The following SNX9 variants were observed in gnomAD, a reference collection of about 807,000 sequenced individuals.
SNX9 encodes the protein sorting nexin-9.
In SNX9, 44 loss-of-function variants were observed where a neutral mutation model predicts 89.4. That is an observed-to-expected ratio of 0.49 (90% CI 0.39 to 0.63). SNX9 has a LOEUF of 0.63. Ranked by LOEUF, SNX9 falls within the 30% of genes least tolerant of loss-of-function variation. The pLI, the probability that SNX9 is intolerant of heterozygous loss-of-function variation, is 0.00. For missense variants in SNX9, 578 were observed against 736.1 expected (o/e 0.79, Z 2.49); for synonymous variants, 236 against 247.8 (o/e 0.95, Z 0.45).
chr6:157,834,151 T>G (rs918913707), intron 1 of SNX9, among the ~76,000 whole-genome samples: 5 of 32,984 alleles, frequency 1.5e-4, no homozygotes, highest in African/African-American at 3.8e-4. Flanking sequence ...TCCACTGTGG[T>G]TTTTTTTTTT....
chr6:157,877,466 A>G (rs1339580891), intron 4 of SNX9, among the ~76,000 whole-genome samples: 1 of 152,244 alleles, frequency 6.6e-6, no homozygotes, highest in Non-Finnish European at 1.5e-5. Flanking sequence ...CTGGGATATG[A>G]GAACAATTTA....
intron 1 of SNX9, among the ~76,000 whole-genome samples, chr6:157,865,447 C>A (rs933944218): frequency 6.8e-6 from 1 of 147,646 alleles, no homozygotes; most frequent in Non-Finnish European, 1.5e-5. Context: ...TTCTTCATGA[C>A]GCCCTGAGGG....
At chr6:157,936,170 T>A (rs113823340) in intron 14 of SNX9, 130 bp downstream of exon 14, 51 of 633,112 alleles carry the variant, frequency 8.1e-5, no homozygotes, top group Middle Eastern at 6.9e-4. Flanking sequence ...TGTATCTTTT[T>A]TAATTGTGTT....
chr6:157,892,475 GAAA>G (rs983881317), intron 4 of SNX9, among the ~76,000 whole-genome samples: 2 of 142,040 alleles, frequency 1.4e-5, no homozygotes, highest in South Asian at 2.3e-4. Flanking sequence ...AGCGTTCCAG[GAAA>G]AAAAAAAACA....
intron 7 of SNX9, among the ~76,000 whole-genome samples, chr6:157,908,954 G>C (rs1783277772): frequency 6.6e-6 from 1 of 152,314 alleles, no homozygotes; most frequent in Admixed American, 6.5e-5. Context: ...TGATACCCGG[G>C]GGTTGGAAGT....
chr6:157,862,563 C>G (rs937090037), intron 1 of SNX9, among the ~76,000 whole-genome samples: 1 of 152,144 alleles, frequency 6.6e-6, no homozygotes, highest in Non-Finnish European at 1.5e-5. Context: ...AGATTTACTG[C>G]TTTTTTCCCT....
chr6:157,928,402 G>A (rs1431925622), intron 11 of SNX9, among the ~76,000 whole-genome samples, 197 bp from the exon 12 acceptor site: 4 of 152,202 alleles, frequency 2.6e-5, no homozygotes, highest in East Asian at 1.9e-4. Flanking sequence ...GAAAGGAAGC[G>A]AAGTTAAAAT....
At chr6:157,826,502 G>GAA (rs760974913) in intron 1 of SNX9, among the ~76,000 whole-genome samples, 7 of 78,006 alleles carry the variant, frequency 9.0e-5, no homozygotes, top group South Asian at 4.0e-4. Flanking sequence ...TCCATCTCAA[G>GAA]AAAAAAAAAA....
chr6:157,927,534 C>T (rs1226242017), intron 11 of SNX9, among the ~76,000 whole-genome samples: 1 of 152,168 alleles, frequency 6.6e-6, no homozygotes, highest in Non-Finnish European at 1.5e-5. Flanking sequence ...AATATTCAGA[C>T]AGCAAATCTC....
chr6:157,858,686 G>T (rs754220934), intron 1 of SNX9, among the ~76,000 whole-genome samples: 6 of 152,172 alleles, frequency 3.9e-5, no homozygotes, highest in Non-Finnish European at 5.9e-5. Flanking sequence ...AATTTATAAA[G>T]AAAAGAGATT....
intron 4 of SNX9, among the ~76,000 whole-genome samples, chr6:157,880,643 A>G (rs1433049280): frequency 6.6e-6 from 1 of 152,220 alleles, no homozygotes; most frequent in Non-Finnish European, 1.5e-5. Flanking sequence ...ACCGAGTGCC[A>G]TCGTGAGCCA....
chr6:157,874,134 A>G (rs1782472360), intron 3 of SNX9: 1 of 152,210 alleles, frequency 6.6e-6, no homozygotes, highest in African/African-American at 2.4e-5. Context: ...GCAGAGTGAG[A>G]TCTAAGGCCG....
intron 4 of SNX9, among the ~76,000 whole-genome samples, chr6:157,883,577 A>G (rs1782671502): frequency 6.6e-6 from 1 of 152,194 alleles, no homozygotes. Context: ...GCTCAGTTCT[A>G]TTTCTGTGAT....
At chr6:157,849,993 G>C (rs937183038) in intron 1 of SNX9, among the ~76,000 whole-genome samples, 1 of 152,204 alleles carries the variant, frequency 6.6e-6, no homozygotes, top group Non-Finnish European at 1.5e-5. Flanking sequence ...TCTAGAGTAA[G>C]AAGAGTGTAG....
At chr6:157,839,341 A>G (rs1487506542) in intron 1 of SNX9, among the ~76,000 whole-genome samples, 1 of 152,222 alleles carries the variant, frequency 6.6e-6, no homozygotes, top group Non-Finnish European at 1.5e-5. Flanking sequence ...ATAAAAGAGA[A>G]ATTATGTCTT....
At chr6:157,942,409 G>A (rs975567726) in intron 17 of SNX9, among the ~76,000 whole-genome samples, 11 of 152,208 alleles carry the variant, frequency 7.2e-5, no homozygotes, top group African/African-American at 2.4e-4. Flanking sequence ...TGGCCAGGGC[G>A]ACACAACCTT....
rs1781355097 is a variant in SNX9 at position 157,826,787 on chromosome 6, TATATATATATA to T, written c.12+3342_12+3352del. ...TATATGATATATAAATATATTATAT[TATATATATATA>T]TTATATTTTATATATAAATATATAT... is the stretch of plus-strand genomic sequence containing the variant. On this transcript the variant is annotated intron_variant, in intron 1 of 17. Coordinates refer to ENST00000392185, the MANE Select transcript of SNX9 (RefSeq NM_016224.5). 2.0e-5 allele frequency among the ~76,000 whole-genome samples: 2 copies of T among 99,068 alleles called. 1 individual carries two copies. Among genetic ancestry groups the T allele is most frequent in the African/African-American group, 1.0e-4 (2 of 20,054 alleles). The allele number at this position is 99,068 out of a possible 152,430, so 65.0% of individuals were successfully genotyped here. A position where few individuals can be genotyped will look rare whatever the true frequency, so the allele number is the denominator to read the frequency against.
intron 1 of SNX9, among the ~76,000 whole-genome samples, chr6:157,854,557 A>T (rs1446907034): frequency 6.6e-6 from 1 of 152,262 alleles, no homozygotes; most frequent in Admixed American, 6.5e-5. Context: ...CACGTATGGC[A>T]AATTTATAAC....
chr6:157,878,769 A>G (rs1191835257), intron 4 of SNX9, among the ~76,000 whole-genome samples: 1 of 152,190 alleles, frequency 6.6e-6, no homozygotes, highest in African/African-American at 2.4e-5. Flanking sequence ...TAATTGATAC[A>G]TTTAAGTAAA....
Sources: gnomAD v4.1 joint callset for allele counts (sites outside exome capture counted in the v4.1 genomes callset) on GRCh38, gnomAD v4.1.1 for gene constraint, MANE v1.5 for transcripts, NCBI Gene and HGNC (gene_info 2026-07-23, HGNC 2026-07-21) for gene names.